CLCN2: variants seen among roughly 807,000 people sequenced by gnomAD.
The protein encoded by CLCN2 is chloride voltage-gated channel 2, also known as chloride channel protein 2.
A neutral mutation model predicts 108.3 loss-of-function variants in CLCN2; 72 were observed. That is an observed-to-expected ratio of 0.66 (90% CI 0.55 to 0.81). The LOEUF is 0.81. CLCN2 is among the 30% of genes least tolerant of loss of function. The pLI, the probability that CLCN2 is intolerant of heterozygous loss-of-function variation, is 0.00. For missense variants in CLCN2, 1,048 were observed against 1,205.2 expected (o/e 0.87, Z 1.93); for synonymous variants, 471 against 467.1 (o/e 1.01, Z -0.11).
chr3:184,353,752 G>T lies in CLCN2; in HGVS notation c.1765C>A (p.Pro589Thr), dbSNP rs1194022040. 6.2e-7 allele frequency: 1 copy of T among 1,607,274 alleles called. No individual in the cohort carries two copies. The highest frequency in any genetic ancestry group is 8.5e-7 in the Non-Finnish European group (1 of 1,177,486). Residue 589 changes from proline (P) to threonine (T), a missense_variant, in exon 16 of 24, where the codon CCC (proline) becomes ACC (threonine). By Grantham distance (38) the Pro-to-Thr change is conservative. Coordinates refer to ENST00000265593, the MANE Select transcript of CLCN2 (RefSeq NM_004366.6). ...AAGGTGCAGCTGAGGGCCACATGGG[G>T]AACATCCCGCACCATGATGTCCTCC... ...RVEDIMVRDV[P>T]HVALSCTFRD...
intron 22 of CLCN2, among the ~76,000 whole-genome samples, chr3:184,350,499 G>T (rs995688205): frequency 6.6e-6 from 1 of 151,940 alleles, no homozygotes; most frequent in African/African-American, 2.4e-5. Flanking sequence ...GCAGTGTCAT[G>T]ATCTCGGCTC....
At chr3:184,353,952 G>A in intron 15 of CLCN2, 149 bp downstream of exon 15, 1 of 1,355,790 alleles carries the variant, frequency 7.4e-7, no homozygotes, top group East Asian at 2.5e-5. Flanking sequence ...GAACAGCAGG[G>A]GCCAGCTACA....
intron 18 of CLCN2, 75 bp downstream of exon 18, chr3:184,352,958 C>G: frequency 1.3e-6 from 2 of 1,528,340 alleles, no homozygotes; most frequent in East Asian, 4.5e-5. Context: ...ACCCCAGCAA[C>G]AGGGCTGGGC....
In CLCN2 at chr3:184,346,538, G is replaced by A; in HGVS notation, c.*68C>T. 1.9e-6 allele frequency: 3 copies of A among 1,575,466 alleles called. No individual in the cohort carries two copies. The highest frequency in any genetic ancestry group is 2.6e-6 in the Non-Finnish European group (3 of 1,151,170). ...TGCCTCCTGCCTTCCGAAGGCAGAA[G>A]GAATGAAAGATGCACATTCTGGGCT... On this transcript the variant is annotated 3_prime_UTR_variant, in exon 24 of 24. Coordinates refer to ENST00000265593, the MANE Select transcript of CLCN2 (RefSeq NM_004366.6). The surrounding 1 kb of genome is among the most constrained non-coding windows in gnomAD (Gnocchi z 6.0).
chr3:184,357,839 GAT>G lies in CLCN2; in HGVS notation c.631_632del (p.Ile211ArgfsTer20), dbSNP rs1711515970. 6.2e-7 allele frequency: 1 copy of G among 1,613,856 alleles called. No homozygotes were observed. On this transcript the variant is annotated frameshift_variant, in exon 6 of 24. Coordinates refer to ENST00000265593, the MANE Select transcript of CLCN2 (RefSeq NM_004366.6). LOFTEE classifies it high-confidence loss of function. ...TGAGAAGGGCAGCACACATGCTTGCGATATGCACAAAAGGGCCCTGCGGGGTG... is the reference window on the plus strand; with the variant it reads ...TGAGAAGGGCAGCACACATGCTTGCGATGCACAAAAGGGCCCTGCGGGGTG... ...PLGKEGPFVH[I>X]ASMCAALLSK...
intron 15 of CLCN2, 101 bp from the exon 16 acceptor site, chr3:184,353,896 TGG>T (rs1728327987): frequency 6.5e-7 from 1 of 1,534,906 alleles, no homozygotes. Flanking sequence ...AGCCCATCCA[TGG>T]GGACGGGAGC....
intron 10 of CLCN2, 54 bp downstream of exon 10, chr3:184,356,939 C>T: frequency 7.9e-7 from 1 of 1,270,706 alleles, no homozygotes; most frequent in Non-Finnish European, 1.1e-6. Flanking sequence ...CCCTGACCTA[C>T]TGTGGCCCTT....
chr3:184,357,654 C>G lies in CLCN2; in HGVS notation c.738G>C (p.Val246=), dbSNP rs978981324. The G allele has an allele frequency of 3.5e-5, 57 of 1,613,914 alleles. No individual in the cohort carries two copies. The highest frequency in any genetic ancestry group is 4.7e-5 in the Non-Finnish European group (55 of 1,180,050). ...GTGCCGCGAAGCAGCAGCCCACCCC[C>G]ACGGCACAGGCGGCAGCCAGCATCT... ...NTEMLAAACA[V]GVGCCFAAPI... is the part of the protein sequence containing the mutation. The change falls in exon 7 of 24, where the codon GTG becomes GTC. Residue 246 remains valine (V), a synonymous_variant. Transcript: ENST00000265593.
chr3:184,352,895 G>A (rs1477059808), intron 18 of CLCN2, 85 bp from the exon 19 acceptor site: 1 of 1,551,512 alleles, frequency 6.4e-7, no homozygotes, highest in Non-Finnish European at 8.9e-7. Flanking sequence ...ACAGGGAGAG[G>A]TATCCCAGTT....
At chr3:184,352,570 G>T (rs1459095079) in intron 19 of CLCN2, 74 bp from the exon 20 acceptor site, 3 of 1,531,856 alleles carry the variant, frequency 2.0e-6, no homozygotes, top group Non-Finnish European at 2.7e-6. Context: ...GAGGGGAAGT[G>T]GTGGAGCCCA....
rs762339307 is a variant in CLCN2, at chr3:184,354,549, G to A, written c.1506C>T (p.Val502=). ...YRIVPGGYAV[V]GAAALAGAVT... is the part of the protein sequence containing the mutation. ...GCCGATGGGACCTGAGGCACTCACC[G>A]ACCACAGCGTAGCCCCCAGGCACAA... is the stretch of plus-strand genomic sequence containing the variant. Residue 502 remains valine (V), a splice_region_variant and synonymous_variant, in exon 14 of 24, where the codon GTC becomes GTT. Coordinates refer to ENST00000265593, the MANE Select transcript of CLCN2 (RefSeq NM_004366.6). 1.2e-5 allele frequency: 19 copies of A among 1,612,268 alleles called. No individual in the cohort carries two copies. The highest frequency in any genetic ancestry group is 3.3e-5 in the South Asian group (3 of 91,064).
chr3:184,359,131 T>G lies in CLCN2; in HGVS notation c.64A>C (p.Met22Leu). ...AGGTCCTGAGTGTACCGGCCATACA[T>G]CTGGAGCAACAGAGGGGATGGGGGC... is the stretch of plus-strand genomic sequence containing the variant. The part of the protein sequence containing the change: ...PRALQYEQTL[M>L]YGRYTQDLGA... Residue 22 changes from methionine to leucine, a missense_variant and splice_region_variant, in exon 2 of 24, where the codon ATG (methionine) becomes CTG (leucine). Met to Leu is a conservative substitution (Grantham distance 15). Coordinates refer to ENST00000265593, the MANE Select transcript of CLCN2 (RefSeq NM_004366.6). The G allele has an allele frequency of 6.2e-7, 1 of 1,613,616 alleles. No homozygotes were observed. Among genetic ancestry groups the G allele is most frequent in the Non-Finnish European group, 8.5e-7 (1 of 1,180,030 alleles).
chr3:184,356,778 T>C (rs1728584905), intron 10 of CLCN2: 1 of 578,060 alleles, frequency 1.7e-6, no homozygotes. Context: ...GATTCCCAAA[T>C]GTCCTCTACC....
At chr3:184,352,577 C>A in intron 19 of CLCN2, 81 bp from the exon 20 acceptor site, 2 of 1,517,904 alleles carry the variant, frequency 1.3e-6, no homozygotes, top group Non-Finnish European at 9.1e-7. Context: ...AGTGGTGGAG[C>A]CCAGGGGAAA....
In CLCN2 at chr3:184,353,651, C is replaced by A. The variant is rs772427165; in HGVS notation, c.1855+11G>T. ...AATGCCCCTAGCACCTGGGACCCCT[C>A]CTGGCCTCACCAGGGGACTCCACTA... On this transcript the variant is annotated intron_variant, in intron 16 of 23. Transcript: ENST00000265593. The A allele has an allele frequency of 6.2e-7, 1 of 1,612,002 alleles. No homozygotes were observed. The highest frequency in any genetic ancestry group is 8.5e-7 in the Non-Finnish European group (1 of 1,179,856).
chr3:184,359,274 G>C, intron 1 of CLCN2, 143 bp from the exon 2 acceptor site: 2 of 1,050,452 alleles, frequency 1.9e-6, no homozygotes, highest in South Asian at 1.4e-5. Flanking sequence ...TCTGGCCCGA[G>C]GTGTGGGAAC....
At chr3:184,354,848 G>C (rs1018007839) in intron 13 of CLCN2, 56 bp downstream of exon 13, 41 of 1,569,148 alleles carry the variant, frequency 2.6e-5, no homozygotes, top group Middle Eastern at 1.7e-4. Flanking sequence ...TGGCTGGGGG[G>C]GTGGCCAGAG....
chr3:184,352,787 CG>C lies in CLCN2; in HGVS notation c.2166del (p.Ile722MetfsTer28). The C allele has an allele frequency of 6.2e-7, 1 of 1,613,156 alleles. No individual in the cohort carries two copies. Among genetic ancestry groups the C allele is most frequent in the Non-Finnish European group, 8.5e-7 (1 of 1,179,986 alleles). ...CTGCCACAGAAGAGGCTCCGGAGGG[CG>C]ATGCCTGCCGACTCTGCGCTCCCTG... ...SPTGSAESAG[I>X]ALRSLFCGSP... On this transcript the variant is annotated frameshift_variant, in exon 19 of 24. Coordinates refer to ENST00000265593, the MANE Select transcript of CLCN2 (RefSeq NM_004366.6). LOFTEE classifies it high-confidence loss of function.
At chr3:184,354,502 G>T (rs371299744) in intron 14 of CLCN2, 46 bp downstream of exon 14, 5 of 1,500,490 alleles carry the variant, frequency 3.3e-6, no homozygotes, top group South Asian at 1.1e-5. Context: ...TGGCTGGGGC[G>T]TGGGTGGGGG....
Sources: gnomAD v4.1 joint callset for allele counts (sites outside exome capture counted in the v4.1 genomes callset) on GRCh38, gnomAD v4.1.1 for gene constraint, Gnocchi (gnomAD v3.1) non-coding constraint, MANE v1.5 for transcripts, NCBI Gene and HGNC (gene_info 2026-07-23, HGNC 2026-07-21) for gene names.